The following TENM1 variants were observed in gnomAD, a reference collection of about 807,000 sequenced individuals.
The protein encoded by TENM1 is teneurin-1.
Under a neutral mutation model 174.8 loss-of-function variants are expected in TENM1, and 35 were observed. The observed-to-expected ratio is 0.20, with a 90% CI of 0.15 to 0.27. The LOEUF (loss-of-function observed/expected upper bound fraction) is 0.27, where lower values mean the gene tolerates loss of function less well. Among genes scored for constraint, TENM1 ranks in the 10% least tolerant of loss-of-function variants. The probability of loss-of-function intolerance (pLI) is 1.00; values close to 1 mark genes in which losing one functional copy is unlikely to be tolerated. For missense variants in TENM1, 1,633 were observed against 2,130.1 expected (o/e 0.77, Z 4.59); for synonymous variants, 781 against 798.7 (o/e 0.98, Z 0.37).
the TENM1 span, among the ~76,000 whole-genome samples, chrX:125,059,997 CA>C: frequency 2.3e-3 from 238 of 101,989 alleles, 2 homozygotes; most frequent in African/African-American, 7.1e-3. Context: ...ATGGAAGCCT[CA>C]AAAAAAAAAA....
chrX:125,179,242 G>T, the TENM1 span, among the ~76,000 whole-genome samples: 1 of 111,119 alleles, frequency 9.0e-6, no homozygotes, highest in Non-Finnish European at 1.9e-5. Context: ...TATAAATGGG[G>T]GTGGACTGGG....
intron 1 of TENM1, among the ~76,000 whole-genome samples, chrX:124,946,467 G>C (rs1277513001): frequency 5.4e-5 from 6 of 111,608 alleles, no homozygotes; most frequent in Non-Finnish European, 3.8e-5. Flanking sequence ...AGGTCTGAAG[G>C]CTGGATTCTC....
At chrX:125,066,179 T>C in the TENM1 span, among the ~76,000 whole-genome samples, 1 of 111,285 alleles carries the variant, frequency 9.0e-6, no homozygotes, top group Non-Finnish European at 1.9e-5. Flanking sequence ...TAACTAAGAG[T>C]GGGAGCTGAG....
chrX:124,551,528 C>CCACACA (rs200848099), intron 14 of TENM1, among the ~76,000 whole-genome samples: 41 of 101,794 alleles, frequency 4.0e-4, no homozygotes, highest in African/African-American at 1.2e-3. Flanking sequence ...ACACACACAC[C>CCACACA]CACACACACA....
At chrX:125,203,378 C>T in the TENM1 span, among the ~76,000 whole-genome samples, 2 of 112,492 alleles carry the variant, frequency 1.8e-5, no homozygotes, top group Middle Eastern at 4.7e-3. Context: ...ATCCTCACCC[C>T]AAGCACCCAG....
intron 1 of TENM1, among the ~76,000 whole-genome samples, chrX:124,920,184 T>C (rs1013491957): frequency 2.7e-5 from 3 of 111,824 alleles, no homozygotes; most frequent in African/African-American, 9.7e-5. Flanking sequence ...CTTTCATTGT[T>C]TTTATTTATT....
At chrX:124,504,487 T>C (rs2047400953) in intron 18 of TENM1, among the ~76,000 whole-genome samples, 2 of 22,128 alleles carry the variant, frequency 9.0e-5, no homozygotes, top group Admixed American at 6.8e-4. Flanking sequence ...TACCAAGTCC[T>C]AGCCATTTTC....
At chrX:124,938,221 T>C (rs1199732032) in intron 1 of TENM1, among the ~76,000 whole-genome samples, 2 of 111,655 alleles carry the variant, frequency 1.8e-5, no homozygotes, top group Non-Finnish European at 3.8e-5. Flanking sequence ...AAAGCAAGAT[T>C]TTTGGAAATT....
rs1275086236 is a variant in TENM1 at position 124,406,304 on chromosome X, G to A, written c.5155+13C>T. 8.4e-7 allele frequency: 1 copy of A among 1,189,971 alleles called. No homozygotes were observed. Among genetic ancestry groups the A allele is most frequent in the Non-Finnish European group, 1.1e-6 (1 of 880,741 alleles). ...GGGCTGTTACAGTCAGATATCGTTG[G>A]AAACAATCTTACCTTGTTTTAAAAT... On this transcript the variant is annotated intron_variant, in intron 26 of 31. Transcript: ENST00000422452.
chrX:124,928,494 T>C (rs181656467), intron 1 of TENM1, among the ~76,000 whole-genome samples: 204 of 112,054 alleles, frequency 1.8e-3, no homozygotes, highest in Non-Finnish European at 3.1e-3. Flanking sequence ...TTTTATCCAA[T>C]GATGTAAGTG....
the TENM1 span, among the ~76,000 whole-genome samples, chrX:124,977,321 GA>G: frequency 9.0e-6 from 1 of 111,605 alleles, no homozygotes; most frequent in African/African-American, 3.3e-5. Context: ...GTTGTTTTGA[GA>G]AAATATCATT....
the TENM1 span, among the ~76,000 whole-genome samples, chrX:125,026,529 A>C: frequency 8.9e-6 from 1 of 112,033 alleles, no homozygotes; most frequent in South Asian, 3.7e-4. Flanking sequence ...AAGGAAAGCT[A>C]TCCGCTCATT....
chrX:125,141,542 A>T, the TENM1 span, among the ~76,000 whole-genome samples: 6 of 111,185 alleles, frequency 5.4e-5, no homozygotes, highest in African/African-American at 2.0e-4. Flanking sequence ...ACCAACAAAT[A>T]CCGTGTCTAG....
At chrX:124,760,169 G>A (rs1307344718) in intron 3 of TENM1, among the ~76,000 whole-genome samples, 3 of 111,760 alleles carry the variant, frequency 2.7e-5, no homozygotes, top group Non-Finnish European at 5.6e-5. Context: ...GTGAAGTGGA[G>A]GGCCTGTTAG....
At chrX:124,471,231 CTATATATAA>C (rs1355500559) in intron 22 of TENM1, among the ~76,000 whole-genome samples, 1 of 57,426 alleles carries the variant, frequency 1.7e-5, no homozygotes, top group East Asian at 5.4e-4. Flanking sequence ...ATATATAGTA[CTATATATAA>C]TATATAATAA....
the TENM1 span, among the ~76,000 whole-genome samples, chrX:125,003,060 G>GC: frequency 8.9e-6 from 1 of 111,901 alleles, no homozygotes; most frequent in Non-Finnish European, 1.9e-5. Context: ...GTTAAAACAT[G>GC]CCCTCAATTT....
chrX:124,788,817 T>A (rs2055106522), intron 3 of TENM1, among the ~76,000 whole-genome samples: 1 of 112,102 alleles, frequency 8.9e-6, no homozygotes, highest in South Asian at 3.7e-4. Flanking sequence ...TGTCTGTGGC[T>A]TTTCCAGGTG....
chrX:124,587,924 A>C (rs1282123278), intron 11 of TENM1, among the ~76,000 whole-genome samples: 2 of 112,218 alleles, frequency 1.8e-5, no homozygotes, highest in African/African-American at 6.5e-5. Flanking sequence ...ATGCAGCCAA[A>C]AGACACATGA....
the TENM1 span, among the ~76,000 whole-genome samples, chrX:125,076,781 A>T: frequency 9.0e-6 from 1 of 111,353 alleles, no homozygotes; most frequent in African/African-American, 3.3e-5. Flanking sequence ...AACTCTTACC[A>T]TCTTCCTCAT....
Sources: allele counts gnomAD v4.1 joint callset (sites outside exome capture counted in the v4.1 genomes callset), GRCh38; gene constraint gnomAD v4.1.1; transcripts MANE v1.5; gene names NCBI Gene and HGNC (gene_info 2026-07-23, HGNC 2026-07-21).